The following AZIN2 variants were observed in gnomAD, a reference collection of about 807,000 sequenced individuals.
AZIN2 encodes the protein ODC antizyme inhibitor-2.
AZIN2 carries 28 observed loss-of-function variants against 47.8 expected under a neutral mutation model. The ratio of observed to expected loss-of-function variants is 0.59; its 90% CI spans 0.43 to 0.80. The LOEUF (loss-of-function observed/expected upper bound fraction) is 0.80. AZIN2 is among the 30% of genes least tolerant of loss of function. AZIN2 has a pLI of 0.00. For synonymous variants in AZIN2, 221 were observed against 239.4 expected, an observed-to-expected ratio of 0.92 and a Z score of 0.71; for missense variants, 535 against 582.5, an observed-to-expected ratio of 0.92 and a Z score of 0.84.
rs1416709439 is a variant in AZIN2 at position 33,122,054 on chromosome 1, A to G, written c.*1872A>G. On this transcript the variant is annotated 3_prime_UTR_variant, in exon 12 of 12. Transcript: ENST00000294517. Reference sequence around the variant, plus strand: ...GGGTTACTCTACTACCCCGTGATCCATCAAAGCCACGATTTACAGGTATTA... The same window carrying G: ...GGGTTACTCTACTACCCCGTGATCCGTCAAAGCCACGATTTACAGGTATTA... Among the ~76,000 whole-genome samples the G allele has an allele frequency of 2.6e-5, 4 of 152,230 alleles. No individual in the cohort carries two copies. Among genetic ancestry groups the G allele is most frequent in the African/African-American group, 9.7e-5 (4 of 41,448 alleles).
chr1:33,091,598 A>G (rs1027945161), intron 5 of AZIN2, among the ~76,000 whole-genome samples: 2 of 152,126 alleles, frequency 1.3e-5, no homozygotes, highest in Admixed American at 1.3e-4. Flanking sequence ...ATATTTAAAC[A>G]TTTAAATTTG....
At chr1:33,153,200 C>G in the AZIN2 span, among the ~76,000 whole-genome samples, 2 of 152,144 alleles carry the variant, frequency 1.3e-5, no homozygotes, top group Non-Finnish European at 2.9e-5. Flanking sequence ...CCCCTCCCAT[C>G]TGGACATAAA....
the AZIN2 span, chr1:33,159,628 C>A: frequency 6.4e-7 from 1 of 1,558,962 alleles, no homozygotes; most frequent in Non-Finnish European, 8.7e-7. This position sits in a 1 kb window ranked among gnomAD's most constrained non-coding sequence, Gnocchi z 4.2. Context: ...ACTCCCACTG[C>A]CCAGCATGGG....
At chr1:33,135,131 C>CA in the AZIN2 span, among the ~76,000 whole-genome samples, 6 of 151,900 alleles carry the variant, frequency 3.9e-5, no homozygotes, top group South Asian at 2.1e-4. Context: ...ACTAAAAATA[C>CA]AAAAAAAATT....
At chr1:33,125,062 T>G (rs1309458252), downstream of AZIN2, among the ~76,000 whole-genome samples, 1 of 152,196 alleles carries the variant, frequency 6.6e-6, no homozygotes, top group East Asian at 1.9e-4. Context: ...CAGGAAACTT[T>G]GAGGAGGTCA....
chr1:33,132,579 C>G, the AZIN2 span, among the ~76,000 whole-genome samples: 1 of 152,260 alleles, frequency 6.6e-6, no homozygotes, highest in East Asian at 1.9e-4. Context: ...CTCCCCCTAA[C>G]CTTCCTCTCC....
chr1:33,137,007 A>G, the AZIN2 span, among the ~76,000 whole-genome samples: 1 of 151,934 alleles, frequency 6.6e-6, no homozygotes, highest in South Asian at 2.1e-4. Flanking sequence ...CAAAAAAAAA[A>G]AAAGAAAAGA....
chr1:33,122,803 C>T lies in AZIN2; in HGVS notation c.*2621C>T, dbSNP rs1644819443. 6.6e-6 allele frequency among the ~76,000 whole-genome samples: 1 copy of T among 152,122 alleles called. No homozygotes were observed. The highest frequency in any genetic ancestry group is 1.9e-4 in the East Asian group (1 of 5,192). ...TGCCTCCTGAAGCCCCTCCTGCGCG[C>T]ACACTCACTCTCTCTCATTCTCTCC... On this transcript the variant is annotated 3_prime_UTR_variant, in exon 12 of 12. Transcript: ENST00000294517.
At chr1:33,104,185 T>C (rs1273941308) in intron 10 of AZIN2, among the ~76,000 whole-genome samples, 1 of 152,150 alleles carries the variant, frequency 6.6e-6, no homozygotes, top group Non-Finnish European at 1.5e-5. Context: ...ACCCGGCCAT[T>C]GTTTCTTTCA....
chr1:33,145,916 G>C, the AZIN2 span: 57 of 471,006 alleles, frequency 1.2e-4, no homozygotes, highest in Non-Finnish European at 4.4e-6. Flanking sequence ...TCTGACTTAA[G>C]TTCCCCCAAA....
intron 5 of AZIN2, among the ~76,000 whole-genome samples, chr1:33,087,321 T>C (rs909771974): frequency 2.6e-5 from 4 of 151,354 alleles, no homozygotes; most frequent in African/African-American, 7.3e-5. Context: ...TTAATAGAGA[T>C]GGGGTTTCTC....
At position 33,092,192 on chromosome 1, in the gene AZIN2, C is replaced by G; in HGVS notation, c.422C>G (p.Ala141Gly). ...LLSFDNEMEL[A>G]KVVKSHPSAK... ...AGCTTTGACAATGAGATGGAGCTGGCAAAGGTGGTAAAGAGCCACCCCAGT... is the reference window on the plus strand; with the variant it reads ...AGCTTTGACAATGAGATGGAGCTGGGAAAGGTGGTAAAGAGCCACCCCAGT... The change falls in exon 6 of 12, where the codon GCA becomes GGA. Residue 141 changes from alanine (A) to glycine (G), a missense_variant. By Grantham distance (60) the Ala-to-Gly change is moderately conservative. This residue lies in a region of AZIN2 where 409 missense variants were observed against 429.0 expected (regional missense o/e 0.95). Transcript: ENST00000294517. 1 of 1,614,070 alleles carries G rather than the reference C, an allele frequency of 6.2e-7. No individual in the cohort carries two copies. The highest frequency in any genetic ancestry group is 1.1e-5 in the South Asian group (1 of 91,086).
chr1:33,095,285 C>T (rs1232378294), intron 8 of AZIN2, among the ~76,000 whole-genome samples: 5 of 152,284 alleles, frequency 3.3e-5, no homozygotes, highest in African/African-American at 2.4e-5. Context: ...AAAGAATTTG[C>T]CTCAAAGATG....
intron 5 of AZIN2, among the ~76,000 whole-genome samples, chr1:33,087,317 G>A (rs373949105): frequency 6.6e-6 from 1 of 151,016 alleles, no homozygotes; most frequent in South Asian, 2.1e-4. Context: ...ATTTTTAATA[G>A]AGATGGGGTT....
At chr1:33,140,631 C>T in the AZIN2 span, among the ~76,000 whole-genome samples, 1 of 152,238 alleles carries the variant, frequency 6.6e-6, no homozygotes, top group African/African-American at 2.4e-5. The surrounding 1 kb of genome is among the most constrained non-coding windows in gnomAD (Gnocchi z 4.0). Context: ...GGCCATCAGT[C>T]CCAATGCTTT....
chr1:33,107,832 TAAATAAATGG>T (rs1644089952), intron 10 of AZIN2, among the ~76,000 whole-genome samples: 1 of 151,044 alleles, frequency 6.6e-6, no homozygotes, highest in African/African-American at 2.5e-5. Context: ...AAAAAGGACA[TAAATAAATGG>T]AAAGATACCC....
rs1335586116 is a variant in AZIN2 at position 33,117,989 on chromosome 1, C to T, written c.1117C>T (p.Leu373=). The change falls in exon 11 of 12, where the codon CTG becomes TTG. Residue 373 remains leucine (L), a synonymous_variant. Coordinates refer to ENST00000294517, the MANE Select transcript of AZIN2 (RefSeq NM_052998.4). ...GCDCVAEGLW[L]PQLHVGDWLV... is the part of the protein sequence containing the mutation. ...TGATTGCGTGGCTGAGGGCCTGTGG[C>T]TGCCGCAACTACACGTAGGGGACTG... 6.2e-7 allele frequency: 1 copy of T among 1,609,972 alleles called. No individual in the cohort carries two copies. The highest frequency in any genetic ancestry group is 1.1e-5 in the South Asian group (1 of 90,608).
intron 6 of AZIN2, among the ~76,000 whole-genome samples, chr1:33,092,550 A>C (rs1326501232): frequency 6.6e-6 from 1 of 152,140 alleles, no homozygotes; most frequent in East Asian, 1.9e-4. Flanking sequence ...GGCTTGAGAG[A>C]GTCGAGGGAG....
At chr1:33,114,492 T>A (rs1195647677) in intron 10 of AZIN2, among the ~76,000 whole-genome samples, 7 of 151,576 alleles carry the variant, frequency 4.6e-5, no homozygotes, top group African/African-American at 1.7e-4. Context: ...TAGCTGGGAC[T>A]ACAGGCGCCC....
Sources: gnomAD v4.1 joint callset for allele counts (sites outside exome capture counted in the v4.1 genomes callset) on GRCh38, gnomAD v4.1.1 for gene constraint, gnomAD v4.1.1 regional missense constraint, Gnocchi (gnomAD v3.1) non-coding constraint, MANE v1.5 for transcripts, NCBI Gene and HGNC (gene_info 2026-07-23, HGNC 2026-07-21) for gene names.